Variants in ATF3 observed in about 807,000 individuals in gnomAD.
The protein encoded by ATF3 is activating transcription factor 3.
A neutral mutation model predicts 18.4 loss-of-function variants in ATF3; 10 were observed. The observed-to-expected ratio is 0.54, with a 90% CI of 0.34 to 0.92. The LOEUF is 0.92. Among genes scored for constraint, ATF3 ranks in the 40% least tolerant of loss-of-function variants. The pLI is 0.02. For synonymous variants in ATF3, 78 were observed against 87.9 expected (o/e 0.89, Z 0.63); for missense variants, 183 against 222.3 (o/e 0.82, Z 1.12).
chr1:212,609,763 T>G (rs1326423016), intron 1 of ATF3, among the ~76,000 whole-genome samples: 2 of 152,210 alleles, frequency 1.3e-5, no homozygotes, highest in Non-Finnish European at 2.9e-5. Context: ...GAGCCACTTG[T>G]GCAGATATTT....
At chr1:212,600,264 T>C (rs895166483) in intron 1 of ATF3, among the ~76,000 whole-genome samples, 2 of 152,206 alleles carry the variant, frequency 1.3e-5, no homozygotes, top group African/African-American at 2.4e-5. Context: ...TGTGTCCATC[T>C]GCCACTGACA....
intron 2 of ATF3, among the ~76,000 whole-genome samples, chr1:212,616,226 T>C (rs1037324454): frequency 6.6e-6 from 1 of 151,550 alleles, no homozygotes; most frequent in African/African-American, 2.4e-5. Flanking sequence ...CAAAGTGAGG[T>C]GGGAAACCAC....
chr1:212,613,332 G>A (rs1370430039), intron 1 of ATF3: 1 of 151,930 alleles, frequency 6.6e-6, no homozygotes, highest in African/African-American at 2.4e-5. Context: ...TTGTTTGTTT[G>A]TGCAATATAA....
At chr1:212,570,222 T>C (rs1664455106) in intron 1 of ATF3, among the ~76,000 whole-genome samples, 1 of 152,200 alleles carries the variant, frequency 6.6e-6, no homozygotes, top group Non-Finnish European at 1.5e-5. Flanking sequence ...CACAGAGAGA[T>C]TTTAAGATTT....
At chr1:212,589,579 G>A (rs1474712487) in intron 1 of ATF3, among the ~76,000 whole-genome samples, 2 of 152,052 alleles carry the variant, frequency 1.3e-5, no homozygotes, top group Non-Finnish European at 2.9e-5. Context: ...CCATTTGGGA[G>A]GCTGAGGCAG....
intron 1 of ATF3, among the ~76,000 whole-genome samples, chr1:212,597,168 C>G (rs765927638): frequency 6.6e-6 from 1 of 152,246 alleles, no homozygotes; most frequent in East Asian, 1.9e-4. Context: ...GGGGCCTCCT[C>G]GGTGACTCAC....
intron 1 of ATF3, among the ~76,000 whole-genome samples, chr1:212,599,162 G>A (rs575846219): frequency 3.9e-5 from 6 of 152,234 alleles, no homozygotes; most frequent in Non-Finnish European, 7.4e-5. Flanking sequence ...TTTTAACTGG[G>A]GTGAGATGAT....
At chr1:212,565,565 AGTTGGGGGAGTACCCACTGTGGCCCT>A (rs1664362086) in intron 1 of ATF3, 1 of 152,206 alleles carries the variant, frequency 6.6e-6, no homozygotes, top group Non-Finnish European at 1.5e-5. Flanking sequence ...GGAAGCCTCC[AGTTGGGGGAGTACCCACTGTGGCCCT>A]GCTGGGTGGG....
chr1:212,589,927 T>G (rs1165903322), intron 1 of ATF3, among the ~76,000 whole-genome samples: 1 of 152,112 alleles, frequency 6.6e-6, no homozygotes, highest in East Asian at 1.9e-4. Context: ...AGGCCCAGTA[T>G]TTTTTAATAG....
chr1:212,607,090 A>C (rs1029321869), upstream of ATF3, among the ~76,000 whole-genome samples: 7 of 152,152 alleles, frequency 4.6e-5, no homozygotes, highest in African/African-American at 1.7e-4. Flanking sequence ...GGGCGCAAAG[A>C]CTTCCGAGGC....
rs1455261471 is a variant in ATF3, at chr1:212,619,028, G to A, written c.349-330G>A. Reference sequence around the variant, plus strand: ...CTCAGAATCGACTAAGCCACCATAAGTCTGGATTTCTCCCCAGCTCCCAAG... The same window carrying A: ...CTCAGAATCGACTAAGCCACCATAAATCTGGATTTCTCCCCAGCTCCCAAG... On this transcript the variant is annotated intron_variant, in intron 3 of 3. Transcript: ENST00000341491. This position sits in a 1 kb window ranked among gnomAD's most constrained non-coding sequence, Gnocchi z 4.4. 6.2e-7 allele frequency: 1 copy of A among 1,614,026 alleles called. No homozygotes were observed. Among genetic ancestry groups the A allele is most frequent in the African/African-American group, 1.3e-5 (1 of 74,934 alleles).
At chr1:212,581,292 T>C (rs1664680299) in intron 1 of ATF3, among the ~76,000 whole-genome samples, 1 of 152,222 alleles carries the variant, frequency 6.6e-6, no homozygotes, top group African/African-American at 2.4e-5. Flanking sequence ...TTTCTGCTCG[T>C]ATGCTCTCAG....
At chr1:212,565,707 A>G (rs866758041) in intron 1 of ATF3, among the ~76,000 whole-genome samples, 16 of 152,160 alleles carry the variant, frequency 1.1e-4, no homozygotes, top group African/African-American at 3.4e-4. Context: ...AGGGTGCTGC[A>G]GAATCTCTAG....
At position 212,615,244 on chromosome 1, in the gene ATF3, T is replaced by G; in HGVS notation, c.223T>G (p.Ser75Ala). The G allele has an allele frequency of 6.2e-7, 1 of 1,612,354 alleles. No individual in the cohort carries two copies. Among genetic ancestry groups the G allele is most frequent in the Non-Finnish European group, 8.5e-7 (1 of 1,179,808 alleles). Residue 75 changes from serine (S) to alanine (A), a missense_variant, in exon 2 of 4, where the codon TCC (serine) becomes GCC (alanine). Coordinates refer to ENST00000341491, the MANE Select transcript of ATF3 (RefSeq NM_001674.4). Reference protein sequence around the residue: ...VTVSDRPLGVSITKAEVAPEE... With the variant: ...VTVSDRPLGVAITKAEVAPEE... ...TGTCAGCGACAGACCCCTCGGGGTGTCCATCACAAAAGCCGAGGTGGGTTC... is the reference window on the plus strand; with the variant it reads ...TGTCAGCGACAGACCCCTCGGGGTGGCCATCACAAAAGCCGAGGTGGGTTC...
intron 1 of ATF3, among the ~76,000 whole-genome samples, chr1:212,568,602 CA>C (rs559967340): frequency 6.6e-6 from 1 of 152,264 alleles, no homozygotes; most frequent in South Asian, 2.1e-4. Context: ...CAAATCAATC[CA>C]AAATGGCCAT....
chr1:212,579,335 C>G (rs1028359463), intron 1 of ATF3, among the ~76,000 whole-genome samples: 37 of 152,278 alleles, frequency 2.4e-4, no homozygotes, highest in African/African-American at 8.9e-4. Context: ...GCCTTCCTTT[C>G]CAAGCTTGGG....
At chr1:212,591,677 A>C (rs1008377394) in intron 1 of ATF3, among the ~76,000 whole-genome samples, 1 of 152,158 alleles carries the variant, frequency 6.6e-6, no homozygotes, top group Non-Finnish European at 1.5e-5. Context: ...AATCATGGGA[A>C]TTTGCAAACG....
At chr1:212,597,568 A>G (rs1452791735) in intron 1 of ATF3, among the ~76,000 whole-genome samples, 1 of 152,072 alleles carries the variant, frequency 6.6e-6, no homozygotes, top group African/African-American at 2.4e-5. Flanking sequence ...TTTATGTTCA[A>G]TGTTCCAGGC....
rs1424778975 is a variant in ATF3, at chr1:212,602,632, G to T, written c.-4-12386G>T. Among the ~76,000 whole-genome samples the T allele has an allele frequency of 3.3e-5, 5 of 152,096 alleles. No individual in the cohort carries two copies. The South Asian group carries it at 8.3e-4, about 25-fold the overall frequency. On this transcript the variant is annotated intron_variant, in intron 1 of 3. Coordinates refer to the ATF3 transcript ENST00000366981. The stretch of plus-strand genomic sequence containing the variant: ...CTGGCAAGTTATTTACCCTGTCTGT[G>T]CCTCAGTTTCCTCATCTATAAAATG...
Sources: gnomAD v4.1 joint callset for allele counts (sites outside exome capture counted in the v4.1 genomes callset) on GRCh38, gnomAD v4.1.1 for gene constraint, Gnocchi (gnomAD v3.1) non-coding constraint, MANE v1.5 for transcripts, NCBI Gene and HGNC (gene_info 2026-07-23, HGNC 2026-07-21) for gene names.